The following CLDN10 variants were observed in gnomAD, a reference collection of about 807,000 sequenced individuals.
The protein encoded by CLDN10 is claudin 10, also known as claudin-10.
A neutral mutation model predicts 22.9 loss-of-function variants in CLDN10; 15 were observed. The ratio of observed to expected loss-of-function variants is 0.65; its 90% CI spans 0.44 to 1.01. The LOEUF (loss-of-function observed/expected upper bound fraction) is 1.01. Among genes scored for constraint, CLDN10 ranks in the 50% least tolerant of loss-of-function variants. The pLI is 0.00. For missense variants in CLDN10, 247 were observed against 287.8 expected, an observed-to-expected ratio of 0.86 and a Z score of 1.03; for synonymous variants, 114 against 111.4, an observed-to-expected ratio of 1.02 and a Z score of -0.15.
chr13:95,531,908 C>A (rs1215529163), intron 1 of CLDN10, among the ~76,000 whole-genome samples: 1 of 151,920 alleles, frequency 6.6e-6, no homozygotes, highest in East Asian at 1.9e-4. Context: ...ACAAAGGCAC[C>A]AAAACAGTCC....
chr13:95,578,272 T>C lies in CLDN10; in HGVS notation c.*258T>C, dbSNP rs1792530372. On this transcript the variant is annotated 3_prime_UTR_variant, in exon 5 of 5. Transcript: ENST00000299339. Reference sequence around the variant, plus strand: ...ATGTTTTCTACATTTATATAGAACATGAAAAGCATTTAGTACCAAAGGTTC... The same window carrying C: ...ATGTTTTCTACATTTATATAGAACACGAAAAGCATTTAGTACCAAAGGTTC... 1.1e-5 allele frequency: 3 copies of C among 273,424 alleles called. No individual in the cohort carries two copies. The highest frequency in any genetic ancestry group is 1.3e-4 in the South Asian group (2 of 15,118). The allele number at this position is 273,424 out of a possible 1,614,324, so 16.9% of individuals were successfully genotyped here.
At chr13:95,460,192 C>T (rs113819786) in intron 1 of CLDN10, among the ~76,000 whole-genome samples, 20,022 of 152,188 alleles carry the variant, frequency 0.13, 1,760 homozygotes, top group Non-Finnish European at 0.2. Context: ...AGTCATTCAA[C>T]AAGTCTCTAG....
At chr13:95,520,132 A>C (rs987844493) in intron 1 of CLDN10, among the ~76,000 whole-genome samples, 3 of 152,220 alleles carry the variant, frequency 2.0e-5, no homozygotes, top group Non-Finnish European at 4.4e-5. Context: ...ACCCCACCAT[A>C]TTAACCCTAA....
upstream of CLDN10, among the ~76,000 whole-genome samples, chr13:95,549,234 A>G (rs2043540653): frequency 6.6e-6 from 1 of 152,240 alleles, no homozygotes; most frequent in Admixed American, 6.5e-5. Context: ...AATAATTTAG[A>G]GGAGGCAACC....
intron 1 of CLDN10, among the ~76,000 whole-genome samples, chr13:95,471,941 A>ATTTTTTTTT (rs58891166): frequency 1.0e-5 from 1 of 95,824 alleles, no homozygotes; most frequent in African/African-American, 4.1e-5. Context: ...ACACTCAGCT[A>ATTTTTTTTT]TTTTTTTTTT....
At chr13:95,516,542 T>TAAC (rs56060330) in intron 1 of CLDN10, among the ~76,000 whole-genome samples, 4 of 151,792 alleles carry the variant, frequency 2.6e-5, no homozygotes, top group Non-Finnish European at 5.9e-5. Context: ...TCCAAGAGGA[T>TAAC]GTTTTTACCA....
At chr13:95,455,734 A>G (rs1391353142) in intron 1 of CLDN10, among the ~76,000 whole-genome samples, 5 of 152,182 alleles carry the variant, frequency 3.3e-5, no homozygotes, top group African/African-American at 1.2e-4. Context: ...ATCATTTTCA[A>G]TAAGAGAGTT....
At chr13:95,495,922 G>A (rs140729350) in intron 1 of CLDN10, among the ~76,000 whole-genome samples, 14 of 152,042 alleles carry the variant, frequency 9.2e-5, no homozygotes, top group Non-Finnish European at 7.4e-5. Flanking sequence ...TTTAATACTG[G>A]ACTGTTCTTT....
At chr13:95,434,064 T>C (rs370213462) in intron 1 of CLDN10, 93 of 1,604,836 alleles carry the variant, frequency 5.8e-5, no homozygotes, top group Non-Finnish European at 7.8e-5. Flanking sequence ...ATAATGGCTT[T>C]GTTTGGGGTG....
chr13:95,451,355 C>T (rs948079673), intron 1 of CLDN10, among the ~76,000 whole-genome samples: 2 of 152,202 alleles, frequency 1.3e-5, no homozygotes, highest in Non-Finnish European at 2.9e-5. Flanking sequence ...CCTCCAATGC[C>T]ATTTGTTATT....
chr13:95,512,876 TTTTTA>T (rs1315068470), intron 1 of CLDN10, among the ~76,000 whole-genome samples: 2 of 152,158 alleles, frequency 1.3e-5, no homozygotes, highest in African/African-American at 4.8e-5. Context: ...TTTTATTTTA[TTTTTA>T]TTTATTTATT....
intron 1 of CLDN10, among the ~76,000 whole-genome samples, chr13:95,471,632 A>G (rs2042634859): frequency 6.6e-6 from 1 of 151,470 alleles, no homozygotes; most frequent in East Asian, 1.9e-4. Flanking sequence ...TTGTATTTTT[A>G]GTAAAGACAG....
chr13:95,561,733 A>G (rs978815706), intron 3 of CLDN10, among the ~76,000 whole-genome samples: 5 of 149,456 alleles, frequency 3.3e-5, no homozygotes, highest in African/African-American at 9.8e-5. Flanking sequence ...AATATGCTAC[A>G]TGTACTGTTC....
chr13:95,541,227 T>C lies in CLDN10; in HGVS notation c.215-18905T>C, dbSNP rs78397549. On this transcript the variant is annotated intron_variant, in intron 1 of 4. Transcript: ENST00000376873. ...CTCGTCTGCCTTTCCTTTCTAACAC[T>C]TGTTGGAGGCAGGGAGGAATTCAGA... 1.4e-3 allele frequency among the ~76,000 whole-genome samples: 210 copies of C among 152,280 alleles called. 4 individuals are homozygous for C. In the East Asian group the frequency reaches 0.036, roughly 26 times the overall value.
intron 1 of CLDN10, among the ~76,000 whole-genome samples, chr13:95,451,548 G>A (rs757519966): frequency 6.6e-5 from 10 of 152,038 alleles, no homozygotes; most frequent in South Asian, 2.1e-4. Flanking sequence ...CTCCTGCCTC[G>A]GCCTCCCTAG....
rs1343698440 is a variant in CLDN10 at position 95,560,402 on chromosome 13, T to G, written c.403T>G (p.Cys135Gly). ...GTTAGGGCTGTGCTCAATGACTGGA[T>G]GTTCCCTATATGCAAACAAAATCAC... ...ILSGLCSMTG[C>G]SLYANKITTE... is the part of the protein sequence containing the mutation. Residue 135 changes from cysteine (C) to glycine (G), a missense_variant, in exon 3 of 5, where the codon TGT (cysteine) becomes GGT (glycine). Transcript: ENST00000299339. The G allele has an allele frequency of 6.2e-7, 1 of 1,614,152 alleles. No homozygotes were observed. Among genetic ancestry groups the G allele is most frequent in the East Asian group, 2.2e-5 (1 of 44,886 alleles).
intron 1 of CLDN10, among the ~76,000 whole-genome samples, chr13:95,503,543 T>G (rs2043007417): frequency 6.6e-6 from 1 of 152,212 alleles, no homozygotes. Context: ...TGTACACCCA[T>G]GTTTATAGCA....
chr13:95,489,874 A>T (rs1364157231), intron 1 of CLDN10, among the ~76,000 whole-genome samples: 1 of 152,180 alleles, frequency 6.6e-6, no homozygotes, highest in Admixed American at 6.5e-5. Context: ...TCCTTAATCC[A>T]TCTTTAGTTG....
At chr13:95,564,062 T>C (rs545005613) in intron 3 of CLDN10, among the ~76,000 whole-genome samples, 1 of 152,330 alleles carries the variant, frequency 6.6e-6, no homozygotes, top group East Asian at 1.9e-4. Flanking sequence ...AGGAATACGT[T>C]GTAGAATCAA....
Sources: allele counts gnomAD v4.1 joint callset (sites outside exome capture counted in the v4.1 genomes callset), GRCh38; gene constraint gnomAD v4.1.1; transcripts MANE v1.5; gene names NCBI Gene and HGNC (gene_info 2026-07-23, HGNC 2026-07-21).